RAB27A: variants seen among roughly 807,000 people sequenced by gnomAD.
The protein encoded by RAB27A is RAB27A, member RAS oncogene family.
RAB27A carries 17 observed loss-of-function variants against 20.8 expected under a neutral mutation model. That is an observed-to-expected ratio of 0.82 (90% CI 0.56 to 1.23). The LOEUF (loss-of-function observed/expected upper bound fraction) is 1.23, where lower values mean the gene tolerates loss of function less well. Among genes scored for constraint, RAB27A ranks in the 50% most tolerant of loss-of-function variants. RAB27A has a pLI of 0.00. For missense variants in RAB27A, 277 were observed against 266.7 expected (o/e 1.04, Z -0.27); for synonymous variants, 85 against 92.8 (o/e 0.92, Z 0.48).
intron 2 of RAB27A, among the ~76,000 whole-genome samples, chr15:55,305,091 T>C (rs1489787397): frequency 6.6e-6 from 1 of 152,154 alleles, no homozygotes; most frequent in Non-Finnish European, 1.5e-5. Flanking sequence ...TACTACCTGA[T>C]TGGTCAGGTG....
intron 2 of RAB27A, among the ~76,000 whole-genome samples, chr15:55,309,140 G>C (rs933083281): frequency 5.3e-5 from 8 of 152,160 alleles, no homozygotes; most frequent in Non-Finnish European, 8.8e-5. Flanking sequence ...GACTTTCCAA[G>C]TTTCCTTAAT....
intron 2 of RAB27A, among the ~76,000 whole-genome samples, chr15:55,306,590 C>T (rs1230588877): frequency 2.6e-5 from 4 of 152,060 alleles, no homozygotes; most frequent in Non-Finnish European, 5.9e-5. Flanking sequence ...TCCAAGTCCT[C>T]CAGGACAACT....
At chr15:55,210,390 C>T (rs1894962230) in intron 6 of RAB27A, among the ~76,000 whole-genome samples, 1 of 144,774 alleles carries the variant, frequency 6.9e-6, no homozygotes, top group Non-Finnish European at 1.5e-5. Context: ...CCAGCATCCA[C>T]TATTGCCTGT....
intron 1 of RAB27A, among the ~76,000 whole-genome samples, chr15:55,275,935 A>AC (rs1231717319): frequency 2.7e-5 from 4 of 150,830 alleles, no homozygotes; most frequent in African/African-American, 9.7e-5. Context: ...AAAAAAAAAA[A>AC]AAAAACAAGA....
At position 55,262,337 on chromosome 15, in the gene RAB27A, C is replaced by T. The variant is rs148202080; in HGVS notation, c.-23+7828G>A. On this transcript the variant is annotated intron_variant, in intron 2 of 6. Coordinates refer to ENST00000336787, the MANE Select transcript of RAB27A (RefSeq NM_183235.3). ...TGGGCGAATCACAATGTCAGGAGATCCAGACCATCCTGGCTAACACAGTGA... is the reference window on the plus strand; with the variant it reads ...TGGGCGAATCACAATGTCAGGAGATTCAGACCATCCTGGCTAACACAGTGA... Among the ~76,000 whole-genome samples the T allele has an allele frequency of 1.6e-4, 25 of 151,898 alleles. No individual in the cohort carries two copies. The South Asian group carries it at 4.4e-3, about 27-fold the overall frequency.
chr15:55,276,829 A>G (rs77811009), intron 1 of RAB27A, among the ~76,000 whole-genome samples: 1 of 152,320 alleles, frequency 6.6e-6, no homozygotes, highest in African/African-American at 2.4e-5. Context: ...CACACACACA[A>G]AAATGCAATA....
chr15:55,268,480 A>G (rs1180027288), intron 2 of RAB27A, among the ~76,000 whole-genome samples: 1 of 152,214 alleles, frequency 6.6e-6, no homozygotes, highest in African/African-American at 2.4e-5. Flanking sequence ...ATGGGTGCTC[A>G]GAGCACGGGA....
intron 1 of RAB27A, among the ~76,000 whole-genome samples, chr15:55,278,704 G>A (rs533253878): frequency 1.3e-5 from 2 of 151,962 alleles, no homozygotes; most frequent in Admixed American, 6.5e-5. Flanking sequence ...GGATGGTCTC[G>A]ATCTCCTGAC....
intron 2 of RAB27A, among the ~76,000 whole-genome samples, chr15:55,253,477 G>T (rs1896971981): frequency 6.6e-6 from 1 of 151,722 alleles, no homozygotes; most frequent in Non-Finnish European, 1.5e-5. Context: ...GGCTCCCTAA[G>T]TATTCCAACT....
chr15:55,237,689 G>A (rs1336689475), intron 2 of RAB27A, among the ~76,000 whole-genome samples: 10 of 152,126 alleles, frequency 6.6e-5, no homozygotes, highest in Non-Finnish European at 1.5e-4. Context: ...TCCAGATAAT[G>A]TTGACTCATT....
rs886051314 is a variant in RAB27A at position 55,205,119 on chromosome 15, C to G, written c.*388G>C. Reference sequence around the variant, plus strand: ...ATTGAAGACTGTGGCGGTTTTATAACTGCATGTAAGATCTTAAATGTAAGA... The same window carrying G: ...ATTGAAGACTGTGGCGGTTTTATAAGTGCATGTAAGATCTTAAATGTAAGA... On this transcript the variant is annotated 3_prime_UTR_variant, in exon 7 of 7. Transcript: ENST00000336787. 2 of 258,750 alleles carry G rather than the reference C, an allele frequency of 7.7e-6. No homozygotes were observed. The highest frequency in any genetic ancestry group is 1.5e-5 in the Non-Finnish European group (2 of 131,480). The allele number at this position is 258,750 out of a possible 1,614,324, so 16.0% of individuals were successfully genotyped here.
At chr15:55,304,990 T>C (rs1197327660) in intron 2 of RAB27A, among the ~76,000 whole-genome samples, 1 of 152,194 alleles carries the variant, frequency 6.6e-6, no homozygotes, top group Non-Finnish European at 1.5e-5. Flanking sequence ...ATCCCAATCA[T>C]TGTCCTTCCC....
intron 1 of RAB27A, 22 bp from the exon 2 acceptor site, chr15:55,270,306 A>G (rs1897665713): frequency 6.6e-6 from 1 of 152,220 alleles, no homozygotes; most frequent in Admixed American, 6.5e-5. Context: ...ACAAAGAGAA[A>G]TGTTAAAGTC....
chr15:55,263,749 T>TA (rs953132172), intron 2 of RAB27A, among the ~76,000 whole-genome samples: 4 of 148,678 alleles, frequency 2.7e-5, no homozygotes, highest in African/African-American at 5.0e-5. Context: ...AGGACCCACT[T>TA]AAAAAAACTT....
Position 55,205,617 on chromosome 15 carries a change from C to G in RAB27A, c.556G>C (p.Glu186Gln), listed in dbSNP as rs772264224. ...ATCCAGGACTTGTCCACACACCGTT[C>G]CATTCGCTTCATTATCAGGTCCAGA... ...MLLDLIMKRM[E>Q]RCVDKSWIPE... The change falls in exon 7 of 7, where the codon GAA becomes CAA. Residue 186 changes from glutamate to glutamine, a missense_variant. By Grantham distance (29) the Glu-to-Gln change is conservative. Transcript: ENST00000336787. 2 of 1,614,030 alleles carry G rather than the reference C, an allele frequency of 1.2e-6. No individual in the cohort carries two copies. Among genetic ancestry groups the G allele is most frequent in the African/African-American group, 2.7e-5 (2 of 74,908 alleles).
intron 1 of RAB27A, chr15:55,289,287 C>G (rs1221155115): frequency 6.5e-6 from 1 of 152,674 alleles, no homozygotes; most frequent in Non-Finnish European, 1.5e-5. Flanking sequence ...CCCTCCCTCG[C>G]AGCTAGTCTG....
intron 2 of RAB27A, among the ~76,000 whole-genome samples, chr15:55,310,470 TC>T (rs1234754834): frequency 1.3e-5 from 2 of 152,138 alleles, no homozygotes; most frequent in Non-Finnish European, 2.9e-5. Flanking sequence ...TTCCAGTCAT[TC>T]CCTTGACATA....
intron 2 of RAB27A, among the ~76,000 whole-genome samples, chr15:55,301,378 G>A (rs115199298): frequency 0.029 from 4,348 of 152,188 alleles, 210 homozygotes; most frequent in African/African-American, 0.099. Flanking sequence ...ACACTGGTCT[G>A]CCTTAACTGC....
At chr15:55,292,436 C>G (rs186208766), upstream of RAB27A, among the ~76,000 whole-genome samples, 3 of 152,162 alleles carry the variant, frequency 2.0e-5, no homozygotes, top group Admixed American at 6.5e-5. Flanking sequence ...TCAATTAGCA[C>G]GCTGTAATCC....
Sources: allele counts gnomAD v4.1 joint callset (sites outside exome capture counted in the v4.1 genomes callset), GRCh38; gene constraint gnomAD v4.1.1; transcripts MANE v1.5; gene names NCBI Gene and HGNC (gene_info 2026-07-23, HGNC 2026-07-21).